The following KIF13A variants were observed in gnomAD, a reference collection of about 807,000 sequenced individuals.
The protein encoded by KIF13A is kinesin-like protein KIF13A.
In KIF13A, 79 loss-of-function variants were observed where a neutral mutation model predicts 212.2. The ratio of observed to expected loss-of-function variants is 0.37; its 90% CI spans 0.31 to 0.45. The LOEUF (loss-of-function observed/expected upper bound fraction) is 0.45, where lower values mean the gene tolerates loss of function less well. Among genes scored for constraint, KIF13A ranks in the 20% least tolerant of loss-of-function variants. The pLI is 1.00. For missense variants in KIF13A, 1,901 were observed against 2,209.0 expected (o/e 0.86, Z 2.79); for synonymous variants, 789 against 808.6 (o/e 0.98, Z 0.41).
chr6:17,790,456 C>T (rs1761436593), intron 25 of KIF13A, among the ~76,000 whole-genome samples: 1 of 152,118 alleles, frequency 6.6e-6, no homozygotes. Context: ...TAGGAACCAA[C>T]ATAATTGGGC....
At chr6:17,784,371 T>C (rs928241208) in intron 28 of KIF13A, among the ~76,000 whole-genome samples, 17 of 152,066 alleles carry the variant, frequency 1.1e-4, no homozygotes, top group Non-Finnish European at 1.9e-4. Flanking sequence ...TGCACCAAGA[T>C]CGTGCCACTG....
At chr6:17,766,199 TTTAC>T (rs1479409224) in intron 38 of KIF13A, among the ~76,000 whole-genome samples, 1 of 147,278 alleles carries the variant, frequency 6.8e-6, no homozygotes, top group Non-Finnish European at 1.5e-5. Context: ...ATTTTATTAA[TTTAC>T]TTATTTTATT....
In KIF13A at chr6:17,915,389, T is replaced by C. The variant is rs1161530422; in HGVS notation, c.147-17209A>G. Among the ~76,000 whole-genome samples the C allele has an allele frequency of 1.3e-5, 2 of 152,138 alleles. No homozygotes were observed. Among genetic ancestry groups the C allele is most frequent in the Non-Finnish European group, 2.9e-5 (2 of 68,014 alleles). ...GTGTGGGGTTAAGTGAATTAACATATTATAAAGCTTTTAAAAGCAGCAGAG... is the reference window on the plus strand; with the variant it reads ...GTGTGGGGTTAAGTGAATTAACATACTATAAAGCTTTTAAAAGCAGCAGAG... On this transcript the variant is annotated intron_variant, in intron 2 of 38. Coordinates refer to ENST00000259711, the MANE Select transcript of KIF13A (RefSeq NM_022113.6). The surrounding 1 kb of genome is among the most constrained non-coding windows in gnomAD (Gnocchi z 4.4).
chr6:17,896,128 G>C (rs1358085319), intron 3 of KIF13A, among the ~76,000 whole-genome samples: 1 of 152,042 alleles, frequency 6.6e-6, no homozygotes, highest in East Asian at 1.9e-4. Flanking sequence ...TGTATACATG[G>C]GTTTTATGTC....
chr6:17,781,534 A>T (rs560576520), intron 29 of KIF13A, among the ~76,000 whole-genome samples: 1 of 151,684 alleles, frequency 6.6e-6, no homozygotes, highest in African/African-American at 2.4e-5. Flanking sequence ...TATGTTGTCC[A>T]GTCTGGTCTT....
At chr6:17,970,943 A>G (rs1420786064) in intron 2 of KIF13A, among the ~76,000 whole-genome samples, 1 of 152,238 alleles carries the variant, frequency 6.6e-6, no homozygotes, top group Non-Finnish European at 1.5e-5. Context: ...GAAAAGCTGC[A>G]GCTCAGAGAC....
Position 17,786,275 on chromosome 6 carries a change from A to C in KIF13A, c.3362-634T>G, listed in dbSNP as rs530635979. Among the ~76,000 whole-genome samples the C allele has an allele frequency of 6.6e-6, 1 of 152,270 alleles. No individual in the cohort carries two copies. Among genetic ancestry groups the C allele is most frequent in the East Asian group, 1.9e-4 (1 of 5,172 alleles). On this transcript the variant is annotated intron_variant, in intron 27 of 38. Transcript: ENST00000259711. The surrounding 1 kb of genome is among the most constrained non-coding windows in gnomAD (Gnocchi z 5.4). ...TACGGATGTGACACTGCTTTATAGA[A>C]CTATACATGATGTTACAAAGACAGG...
At chr6:17,801,427 G>A (rs1012068300) in intron 20 of KIF13A, among the ~76,000 whole-genome samples, 13 of 152,104 alleles carry the variant, frequency 8.5e-5, no homozygotes, top group African/African-American at 1.9e-4. Flanking sequence ...GCTTGAACCC[G>A]CGAGGCGGAG....
intron 2 of KIF13A, among the ~76,000 whole-genome samples, chr6:17,924,582 G>C (rs1326599905): frequency 6.6e-6 from 1 of 152,122 alleles, no homozygotes; most frequent in Middle Eastern, 3.2e-3. Context: ...CTTCTACTGG[G>C]GGAAGCACCT....
In KIF13A at chr6:17,826,209, C is replaced by T; in HGVS notation, c.1533-85G>A. 3.1e-6 allele frequency: 3 copies of T among 965,738 alleles called. No individual in the cohort carries two copies. The highest frequency in any genetic ancestry group is 4.9e-6 in the Non-Finnish European group (3 of 615,108). 59.8% of individuals were successfully genotyped at this position (965,738 alleles called of 1,614,324 possible). On this transcript the variant is annotated intron_variant, in intron 14 of 38. Transcript: ENST00000259711. The surrounding 1 kb of genome is among the most constrained non-coding windows in gnomAD (Gnocchi z 4.7). Reference sequence around the variant, plus strand: ...GTAGCCAAAGAGATAACTAGGGGAGCTTTCTCTTAATAAATGCATTCCAAC... The same window carrying T: ...GTAGCCAAAGAGATAACTAGGGGAGTTTTCTCTTAATAAATGCATTCCAAC...
At chr6:17,939,764 C>T (rs1363341543) in intron 2 of KIF13A, among the ~76,000 whole-genome samples, 1 of 152,190 alleles carries the variant, frequency 6.6e-6, no homozygotes, top group Non-Finnish European at 1.5e-5. Flanking sequence ...AAAAGATAGT[C>T]TCACCTGGCC....
chr6:17,858,533 CAT>C (rs1768385375), intron 4 of KIF13A, among the ~76,000 whole-genome samples: 1 of 152,176 alleles, frequency 6.6e-6, no homozygotes, highest in Admixed American at 6.5e-5. Context: ...ATTTATTTCT[CAT>C]ATGTTTTCTC....
chr6:17,906,058 A>C (rs1196666674), intron 2 of KIF13A, among the ~76,000 whole-genome samples: 2 of 152,242 alleles, frequency 1.3e-5, no homozygotes, highest in African/African-American at 2.4e-5. Context: ...GAAACCTATC[A>C]CAAGAAGAAT....
chr6:17,814,353 ATTC>A (rs1339516123), intron 17 of KIF13A, among the ~76,000 whole-genome samples: 2 of 150,442 alleles, frequency 1.3e-5, no homozygotes, highest in African/African-American at 2.5e-5. Flanking sequence ...GGTTCAAGCA[ATTC>A]TTCTGCCTCA....
At position 17,779,661 on chromosome 6, in the gene KIF13A, C is replaced by T. The variant is rs1320187822; in HGVS notation, c.3870G>A (p.Arg1290=). 2.0e-6 allele frequency: 3 copies of T among 1,504,334 alleles called. No individual in the cohort carries two copies. The highest frequency in any genetic ancestry group is 1.7e-5 in the Admixed American group (1 of 57,270). The allele number at this position is 1,504,334 out of a possible 1,614,324, so 93.2% of individuals were successfully genotyped here. ...NKQSFTQSLK[R]RISLKNIFYS... is the part of the protein sequence containing the mutation. ...AAAATATATTTTTCAGGGATATTCT[C>T]CTCTTCAAACTCTGCGTGAAACTCT... Residue 1290 remains arginine (R), a synonymous_variant, in exon 32 of 39, where the codon AGG becomes AGA. Transcript: ENST00000259711.
intron 4 of KIF13A, among the ~76,000 whole-genome samples, chr6:17,862,708 G>A (rs568951511): frequency 7.6e-4 from 116 of 152,146 alleles, no homozygotes; most frequent in East Asian, 3.9e-4. Flanking sequence ...CAGCACTTTG[G>A]GAGGCCAAGG....
intron 2 of KIF13A, among the ~76,000 whole-genome samples, chr6:17,927,138 C>CAAAA (rs71002286): frequency 7.0e-6 from 1 of 143,820 alleles, no homozygotes. Flanking sequence ...GACTCTGTCT[C>CAAAA]AAAAAAAAAA....
chr6:17,796,818 G>C lies in KIF13A; in HGVS notation c.2793C>G (p.Asp931Glu). ...QYTVTFSHCKDYVVNVTEEFL... is the reference protein window; with the variant it reads ...QYTVTFSHCKEYVVNVTEEFL... ...ATTCTTCTGTTACATTCACCACATAGTCCTGGGATAAGTGGGGGAAAGCAA... is the reference window on the plus strand; with the variant it reads ...ATTCTTCTGTTACATTCACCACATACTCCTGGGATAAGTGGGGGAAAGCAA... The change falls in exon 23 of 39, where the codon GAC (aspartate) becomes GAG (glutamate). Residue 931 changes from aspartate (D) to glutamate (E), a missense_variant and splice_region_variant. This residue lies in a region of KIF13A where 534 missense variants were observed against 536.9 expected (regional missense o/e 0.99). Transcript: ENST00000259711. 6.6e-7 allele frequency: 1 copy of C among 1,511,884 alleles called. No individual in the cohort carries two copies. The allele number at this position is 1,511,884 out of a possible 1,614,324, so 93.7% of individuals were successfully genotyped here.
In KIF13A at chr6:17,851,969, C is replaced by T. The variant is rs1767696536; in HGVS notation, c.568G>A (p.Val190Ile). The T allele has an allele frequency of 2.6e-6, 4 of 1,529,126 alleles. No homozygotes were observed. Among genetic ancestry groups the T allele is most frequent in the Non-Finnish European group, 3.5e-6 (4 of 1,139,404 alleles). The allele number at this position is 1,529,126 out of a possible 1,614,324, so 94.7% of individuals were successfully genotyped here. ...AAATGACTTACCTCAAAACTAGTGA[C>T]AGCTAGTTGAGATAAACCATCTACA... ...PYVDGLSQLAVTSFEDIESLM... is the reference protein window; with the variant it reads ...PYVDGLSQLAITSFEDIESLM... Residue 190 changes from valine (V) to isoleucine (I), a missense_variant, in exon 7 of 39, where the codon GTC (valine) becomes ATC (isoleucine). Around this residue, in one of 5 missense-constraint regions of KIF13A, gnomAD observed 506 missense variants for 637.4 expected, o/e 0.79. Transcript: ENST00000259711.
Sources: allele counts gnomAD v4.1 joint callset (sites outside exome capture counted in the v4.1 genomes callset), GRCh38; gene constraint gnomAD v4.1.1; regional missense constraint gnomAD v4.1.1; non-coding constraint Gnocchi (gnomAD v3.1); transcripts MANE v1.5; gene names NCBI Gene and HGNC (gene_info 2026-07-23, HGNC 2026-07-21).